Variants in WWOX observed in about 807,000 individuals in gnomAD.
WWOX encodes WW domain-containing oxidoreductase.
In WWOX, 69 loss-of-function variants were observed where a neutral mutation model predicts 46.2. The ratio of observed to expected loss-of-function variants is 1.49; its 90% CI spans 1.23 to 1.82. The LOEUF (loss-of-function observed/expected upper bound fraction) is 1.82. Ranked by LOEUF, WWOX falls within the 40% of genes most tolerant of loss-of-function variation. The pLI is 0.00. For missense variants in WWOX, 919 were observed against 542.6 expected (o/e 1.69, Z -6.89); for synonymous variants, 359 against 202.6 (o/e 1.77, Z -6.56).
chr16:78,254,514 T>G (rs1305570481), intron 5 of WWOX, among the ~76,000 whole-genome samples: 2 of 138,836 alleles, frequency 1.4e-5, no homozygotes, highest in Non-Finnish European at 3.1e-5. Flanking sequence ...TTTTTTTTTT[T>G]TTTTTGTTTG....
At chr16:78,169,391 A>G (rs1209836812) in intron 5 of WWOX, among the ~76,000 whole-genome samples, 3 of 151,374 alleles carry the variant, frequency 2.0e-5, no homozygotes, top group Non-Finnish European at 4.4e-5. Flanking sequence ...TTTACCCAGT[A>G]TCTATTGGAG....
intron 8 of WWOX, among the ~76,000 whole-genome samples, chr16:78,630,417 C>T (rs1567449267): frequency 6.6e-6 from 1 of 152,150 alleles, no homozygotes; most frequent in Non-Finnish European, 1.5e-5. Flanking sequence ...TACCTGCTTT[C>T]CTTTGTGGAG....
chr16:78,973,473 G>T (rs893917197), intron 8 of WWOX, among the ~76,000 whole-genome samples: 1 of 152,156 alleles, frequency 6.6e-6, no homozygotes. Flanking sequence ...TAAAGTATCT[G>T]CTGATTTCTT....
intron 8 of WWOX, among the ~76,000 whole-genome samples, chr16:78,873,887 C>T (rs546442775): frequency 1.3e-5 from 2 of 152,198 alleles, no homozygotes; most frequent in East Asian, 3.9e-4. Context: ...GAGGGGCAAT[C>T]ACAGGTCAGG....
chr16:78,438,064 T>G (rs1041588999), intron 8 of WWOX, among the ~76,000 whole-genome samples: 1 of 152,182 alleles, frequency 6.6e-6, no homozygotes, highest in African/African-American at 2.4e-5. Flanking sequence ...GTTTTTGCAG[T>G]TGTAACCATG....
intron 8 of WWOX, among the ~76,000 whole-genome samples, chr16:78,815,699 T>C (rs2051311179): frequency 6.6e-6 from 1 of 152,152 alleles, no homozygotes. Flanking sequence ...TCCTGTTCTT[T>C]TAAGGAAATC....
At chr16:78,890,662 C>G (rs1419206969) in intron 8 of WWOX, 1 of 152,218 alleles carries the variant, frequency 6.6e-6, no homozygotes, top group Non-Finnish European at 1.5e-5. Flanking sequence ...TTTCCACAGC[C>G]AGTCTTTCCC....
At chr16:78,668,381 G>C (rs1315502618) in intron 8 of WWOX, among the ~76,000 whole-genome samples, 2 of 152,182 alleles carry the variant, frequency 1.3e-5, no homozygotes, top group Non-Finnish European at 2.9e-5. Flanking sequence ...TAAGTACTTT[G>C]AGGGCAAGGA....
chr16:78,509,063 A>C (rs1404143169), intron 8 of WWOX, among the ~76,000 whole-genome samples: 1 of 152,276 alleles, frequency 6.6e-6, no homozygotes, highest in African/African-American at 2.4e-5. Flanking sequence ...CTGCCCTTGC[A>C]CAGTGGGCAC....
At chr16:78,950,640 G>A (rs779832751) in intron 8 of WWOX, among the ~76,000 whole-genome samples, 1 of 151,932 alleles carries the variant, frequency 6.6e-6, no homozygotes, top group Non-Finnish European at 1.5e-5. Flanking sequence ...CCATTAAATA[G>A]GGTAAGAATT....
At chr16:78,664,268 A>T (rs1468480066) in intron 8 of WWOX, among the ~76,000 whole-genome samples, 6 of 152,138 alleles carry the variant, frequency 3.9e-5, no homozygotes. Context: ...CTCCCACTGG[A>T]CCACAAGCCC....
intron 8 of WWOX, among the ~76,000 whole-genome samples, chr16:79,132,144 A>G (rs994804789): frequency 1.3e-5 from 2 of 151,028 alleles, no homozygotes; most frequent in African/African-American, 4.9e-5. Context: ...ACACACACAC[A>G]CACACACACA....
At chr16:78,228,532 G>A (rs567711843) in intron 5 of WWOX, among the ~76,000 whole-genome samples, 3 of 152,128 alleles carry the variant, frequency 2.0e-5, no homozygotes, top group Non-Finnish European at 4.4e-5. Flanking sequence ...TGTAGAGACA[G>A]GGTTTCACCA....
intron 8 of WWOX, among the ~76,000 whole-genome samples, chr16:78,474,741 A>G (rs186168665): frequency 5.2e-4 from 79 of 151,558 alleles, no homozygotes; most frequent in African/African-American, 1.8e-3. Context: ...CTCCACTTCA[A>G]CTCTTCCCCA....
intron 8 of WWOX, among the ~76,000 whole-genome samples, chr16:78,923,121 A>G (rs12716863): frequency 0.56 from 84,712 of 151,476 alleles, 26,930 homozygotes; most frequent in South Asian, 0.77. Flanking sequence ...AGCTGGGATT[A>G]CAGGGATGTG....
At chr16:79,200,038 C>T (rs2051316061) in intron 8 of WWOX, among the ~76,000 whole-genome samples, 1 of 152,060 alleles carries the variant, frequency 6.6e-6, no homozygotes, top group Admixed American at 6.5e-5. Flanking sequence ...CCAGATGATC[C>T]ACAAATGCCA....
chr16:78,211,785 C>A (rs1269794646), intron 5 of WWOX, among the ~76,000 whole-genome samples: 1 of 152,116 alleles, frequency 6.6e-6, no homozygotes. Flanking sequence ...ATCTTCCCAG[C>A]AGGGAGAAGA....
rs139081215 is a variant in WWOX at position 78,951,204 on chromosome 16, C to T, written c.1057-260404C>T. On this transcript the variant is annotated intron_variant, in intron 8 of 8. Transcript: ENST00000566780. ...GCTGGATCTAAGTGATTAAATGGCG[C>T]GGTCATAATTCTATTTCTCTGCATC... 2.6e-3 allele frequency among the ~76,000 whole-genome samples: 392 copies of T among 152,294 alleles called. 1 individual carries two copies. Among genetic ancestry groups the T allele is most frequent in the African/African-American group, 8.0e-3 (333 of 41,564 alleles).
intron 8 of WWOX, among the ~76,000 whole-genome samples, chr16:78,488,303 C>T (rs147141357): frequency 1.3e-5 from 2 of 152,190 alleles, no homozygotes; most frequent in Non-Finnish European, 2.9e-5. Context: ...CAAGTCCTGT[C>T]TCAGCAGTGA....
Sources: gnomAD v4.1 joint callset for allele counts (sites outside exome capture counted in the v4.1 genomes callset) on GRCh38, gnomAD v4.1.1 for gene constraint, MANE v1.5 for transcripts, NCBI Gene and HGNC (gene_info 2026-07-23, HGNC 2026-07-21) for gene names.